The following C5orf24 variants were observed in gnomAD, a reference collection of about 807,000 sequenced individuals.
The protein encoded by C5orf24 is chromosome 5 open reading frame 24, also known as UPF0461 protein C5orf24.
In C5orf24, 4 loss-of-function variants were observed where a neutral mutation model predicts 9.8. That is an observed-to-expected ratio of 0.41 (90% CI 0.20 to 0.93). The LOEUF (loss-of-function observed/expected upper bound fraction) is 0.93. C5orf24 is among the 40% of genes least tolerant of loss of function. The pLI is 0.33. For missense variants in C5orf24, 170 were observed against 236.9 expected (o/e 0.72, Z 1.85); for synonymous variants, 73 against 81.3 (o/e 0.90, Z 0.55).
chr5:134,841,842 G>T (rs1755897258), upstream of C5orf24, among the ~76,000 whole-genome samples: 1 of 152,112 alleles, frequency 6.6e-6, no homozygotes. Context: ...ACATAGTGGA[G>T]ATTAGTTATA....
intron 1 of C5orf24, among the ~76,000 whole-genome samples, chr5:134,852,717 C>G (rs567795251): frequency 1.3e-5 from 2 of 152,294 alleles, no homozygotes; most frequent in East Asian, 3.9e-4. Context: ...TACCTCATCA[C>G]AACATAATAC....
chr5:134,854,122 T>C (rs538036721), intron 1 of C5orf24, among the ~76,000 whole-genome samples: 1 of 152,354 alleles, frequency 6.6e-6, no homozygotes, highest in East Asian at 1.9e-4. Context: ...ATGGTTGTTA[T>C]CCATATTTTT....
In C5orf24 at chr5:134,855,500, G is replaced by A; in HGVS notation, c.*33G>A. 6.2e-7 allele frequency: 1 copy of A among 1,608,978 alleles called. No homozygotes were observed. Among genetic ancestry groups the A allele is most frequent in the Non-Finnish European group, 8.5e-7 (1 of 1,178,860 alleles). The stretch of plus-strand genomic sequence containing the variant: ...AGGAAAAGAGGGCCAGGTTTAGAAG[G>A]AAGATTGTGAATAATCCCAAAGCTT... On this transcript the variant is annotated 3_prime_UTR_variant, in exon 2 of 2. Transcript: ENST00000394976.
In C5orf24 at chr5:134,855,574, TTTG is replaced by T. The variant is rs1397357866; in HGVS notation, c.*110_*112del. 2.5e-5 allele frequency: 37 copies of T among 1,509,520 alleles called. No homozygotes were observed. The highest frequency in any genetic ancestry group is 2.9e-5 in the Non-Finnish European group (33 of 1,134,358). 93.5% of individuals were successfully genotyped at this position (1,509,520 alleles called of 1,614,324 possible). On this transcript the variant is annotated 3_prime_UTR_variant, in exon 2 of 2. Transcript: ENST00000394976. ...AATTTTATGGCCTGGGCTTTCCAAA[TTTG>T]TTTTCCTGTTTGGTTTTTTTCCTGC...
chr5:134,850,826 T>C (rs1756137060), intron 1 of C5orf24, among the ~76,000 whole-genome samples: 1 of 151,670 alleles, frequency 6.6e-6, no homozygotes, highest in Non-Finnish European at 1.5e-5. Context: ...GATTGATATC[T>C]GAGTCAAGGA....
Position 134,857,490 on chromosome 5 carries a change from T to C in C5orf24, c.*2023T>C. 7.1e-7 allele frequency: 1 copy of C among 1,403,064 alleles called. No homozygotes were observed. The highest frequency in any genetic ancestry group is 9.4e-7 in the Non-Finnish European group (1 of 1,060,106). 86.9% of individuals were successfully genotyped at this position (1,403,064 alleles called of 1,614,324 possible). ...TGCACTGGCGTCTAAGACAGTGACC[T>C]CAACAATATTAGCTTTGCACAAACC... is the stretch of plus-strand genomic sequence containing the variant. On this transcript the variant is annotated 3_prime_UTR_variant, in exon 2 of 2. Transcript: ENST00000394976.
In C5orf24 at chr5:134,855,638, C is replaced by T. The variant is rs1407113940; in HGVS notation, c.*171C>T. 7 of 1,469,104 alleles carry T rather than the reference C, an allele frequency of 4.8e-6. No individual in the cohort carries two copies. The highest frequency in any genetic ancestry group is 5.4e-6 in the Non-Finnish European group (6 of 1,115,314). 91.0% of individuals were successfully genotyped at this position (1,469,104 alleles called of 1,614,324 possible). On this transcript the variant is annotated 3_prime_UTR_variant, in exon 2 of 2. Coordinates refer to ENST00000394976, the MANE Select transcript of C5orf24 (RefSeq NM_001135586.1). ...AAACTGCCATATGCTGACAGATGCA[C>T]TCAGGGCATGAGCAGCGGCATTGTA...
chr5:134,857,636 G>T lies in C5orf24; in HGVS notation c.*2169G>T. On this transcript the variant is annotated 3_prime_UTR_variant, in exon 2 of 2. Coordinates refer to ENST00000394976, the MANE Select transcript of C5orf24 (RefSeq NM_001135586.1). ...GATTTTTAATAATTTACTCAGAACA[G>T]TATAACTTCTGACACACACAAATGC... is the stretch of plus-strand genomic sequence containing the variant. The T allele has an allele frequency of 2.4e-6, 1 of 413,466 alleles. No individual in the cohort carries two copies. The highest frequency in any genetic ancestry group is 5.5e-4 in the Middle Eastern group (1 of 1,832). 25.6% of individuals were successfully genotyped at this position (413,466 alleles called of 1,614,324 possible).
rs1756328169 is a variant in C5orf24 at position 134,856,851 on chromosome 5, A to C, written c.*1384A>C. 1.0e-6 allele frequency: 1 copy of C among 1,000,414 alleles called. No homozygotes were observed. Among genetic ancestry groups the C allele is most frequent in the Non-Finnish European group, 1.2e-6 (1 of 830,126 alleles). 62.0% of individuals were successfully genotyped at this position (1,000,414 alleles called of 1,614,324 possible). ...AACAGAATGCAGTTTCCCGACCATC[A>C]GAACCCAAATATTAAGAAGCATATA... On this transcript the variant is annotated 3_prime_UTR_variant, in exon 2 of 2. Coordinates refer to ENST00000394976, the MANE Select transcript of C5orf24 (RefSeq NM_001135586.1).
At chr5:134,843,963 T>C (rs1755936691), upstream of C5orf24, among the ~76,000 whole-genome samples, 1 of 152,244 alleles carries the variant, frequency 6.6e-6, no homozygotes, top group Non-Finnish European at 1.5e-5. Flanking sequence ...AGCAATGACT[T>C]GCCCAAAATA....
the C5orf24 span, among the ~76,000 whole-genome samples, chr5:134,836,691 G>A: frequency 6.6e-6 from 1 of 151,292 alleles, no homozygotes; most frequent in African/African-American, 2.4e-5. Context: ...TTACAGGCAC[G>A]TGCCACCATG....
upstream of C5orf24, among the ~76,000 whole-genome samples, chr5:134,841,834 A>G (rs1481601218): frequency 6.6e-6 from 1 of 152,190 alleles, no homozygotes; most frequent in Non-Finnish European, 1.5e-5. Flanking sequence ...GAGGAGCTAC[A>G]TAGTGGAGAT....
chr5:134,840,167 CATG>C, the C5orf24 span, among the ~76,000 whole-genome samples: 1 of 152,000 alleles, frequency 6.6e-6, no homozygotes, highest in Admixed American at 6.6e-5. Context: ...ACTAGCCTGG[CATG>C]GTGGTGTGCA....
the C5orf24 span, among the ~76,000 whole-genome samples, chr5:134,838,572 A>G: frequency 7.9e-5 from 12 of 152,128 alleles, no homozygotes; most frequent in African/African-American, 2.7e-4. Flanking sequence ...CGGGAGGCTG[A>G]GAGGAGAATC....
chr5:134,840,305 CAA>C, the C5orf24 span, among the ~76,000 whole-genome samples: 12 of 53,408 alleles, frequency 2.2e-4, no homozygotes, highest in Admixed American at 4.7e-4. Context: ...GACTGCATCT[CAA>C]AAAAAAAAAA....
chr5:134,854,319 T>C (rs572305684), intron 1 of C5orf24, among the ~76,000 whole-genome samples: 11 of 152,332 alleles, frequency 7.2e-5, no homozygotes, highest in Admixed American at 7.2e-4. Context: ...GCAGTAGAGA[T>C]TGTGTTCATT....
rs1756292106 is a variant in C5orf24 at position 134,855,675 on chromosome 5, G to A, written c.*208G>A. The A allele has an allele frequency of 7.0e-7, 1 of 1,437,534 alleles. No homozygotes were observed. The highest frequency in any genetic ancestry group is 9.1e-7 in the Non-Finnish European group (1 of 1,098,186). The allele number at this position is 1,437,534 out of a possible 1,614,324, so 89.0% of individuals were successfully genotyped here. The stretch of plus-strand genomic sequence containing the variant: ...GCAGCGGCATTGTATTTGTACATAG[G>A]TTCAAGTGTAACACCTAACTAAATC... On this transcript the variant is annotated 3_prime_UTR_variant, in exon 2 of 2. Coordinates refer to ENST00000394976, the MANE Select transcript of C5orf24 (RefSeq NM_001135586.1).
intron 1 of C5orf24, among the ~76,000 whole-genome samples, chr5:134,847,705 ATTT>A (rs57323019): frequency 7.4e-6 from 1 of 134,994 alleles, no homozygotes. Context: ...TATTCATCCT[ATTT>A]TTTTTTTTTT....
chr5:134,858,421 G>GAAAT lies in C5orf24; in HGVS notation c.*2956_*2959dup, dbSNP rs1005007901. 6.0e-6 allele frequency: 1 copy of GAAAT among 166,798 alleles called. No homozygotes were observed. The highest frequency in any genetic ancestry group is 2.4e-5 in the African/African-American group (1 of 41,464). 10.3% of individuals were successfully genotyped at this position (166,798 alleles called of 1,614,324 possible). A position where few individuals can be genotyped will look rare whatever the true frequency, so the allele number is the denominator to read the frequency against. ...ACTGTCTCTTGTTATGATAAACACT[G>GAAAT]AAATAGCATGTTAAACAGTTGCCTA... On this transcript the variant is annotated 3_prime_UTR_variant, in exon 2 of 2. Coordinates refer to ENST00000394976, the MANE Select transcript of C5orf24 (RefSeq NM_001135586.1).
Sources: allele counts gnomAD v4.1 joint callset (sites outside exome capture counted in the v4.1 genomes callset), GRCh38; gene constraint gnomAD v4.1.1; transcripts MANE v1.5; gene names NCBI Gene and HGNC (gene_info 2026-07-23, HGNC 2026-07-21).